Variants in RBFOX1 observed in about 807,000 individuals in gnomAD.
RBFOX1 encodes the protein RNA binding protein fox-1 homolog 1.
A neutral mutation model predicts 57.7 loss-of-function variants in RBFOX1; 8 were observed. The ratio of observed to expected loss-of-function variants is 0.14; its 90% CI spans 0.08 to 0.25. The LOEUF (loss-of-function observed/expected upper bound fraction) is 0.25. RBFOX1 is among the 10% of genes least tolerant of loss of function. RBFOX1 has a pLI of 1.00. For synonymous variants in RBFOX1, 326 were observed against 222.4 expected (o/e 1.47, Z -4.15); for missense variants, 611 against 548.5 (o/e 1.11, Z -1.14).
At chr16:7,254,182 G>A (rs1376225917) in intron 4 of RBFOX1, among the ~76,000 whole-genome samples, 1 of 152,118 alleles carries the variant, frequency 6.6e-6, no homozygotes, top group Non-Finnish European at 1.5e-5. Flanking sequence ...AAATGAAATA[G>A]TTTGCCTGAA....
At chr16:5,878,040 A>G (rs1226374652) in intron 4 of RBFOX1, among the ~76,000 whole-genome samples, 1 of 152,204 alleles carries the variant, frequency 6.6e-6, no homozygotes, top group Non-Finnish European at 1.5e-5. Context: ...GAGACTATAT[A>G]CACAGACACC....
At chr16:6,508,176 A>G (rs1025140917) in intron 2 of RBFOX1, among the ~76,000 whole-genome samples, 5 of 152,160 alleles carry the variant, frequency 3.3e-5, no homozygotes, top group Non-Finnish European at 7.3e-5. Flanking sequence ...GAACGCATGG[A>G]CACATAGAGT....
intron 3 of RBFOX1, among the ~76,000 whole-genome samples, chr16:6,732,455 T>G (rs1242167132): frequency 6.6e-6 from 1 of 152,216 alleles, no homozygotes; most frequent in Admixed American, 6.5e-5. Flanking sequence ...TTATTGAGGA[T>G]GGTGAGGTCA....
At chr16:7,106,252 C>T (rs543150308) in intron 4 of RBFOX1, among the ~76,000 whole-genome samples, 60 of 152,264 alleles carry the variant, frequency 3.9e-4, no homozygotes, top group African/African-American at 1.3e-3. Flanking sequence ...TGTGCATGAG[C>T]ATGTGTGTAA....
intron 2 of RBFOX1, among the ~76,000 whole-genome samples, chr16:6,565,100 C>A (rs1277896230): frequency 1.4e-5 from 2 of 143,676 alleles, no homozygotes; most frequent in African/African-American, 5.3e-5. Context: ...CACTGCACTC[C>A]AGCCTGGGTG....
chr16:6,658,658 G>A (rs375518908), intron 3 of RBFOX1, among the ~76,000 whole-genome samples: 1 of 152,106 alleles, frequency 6.6e-6, no homozygotes, highest in East Asian at 1.9e-4. Flanking sequence ...TTTTCTCTCA[G>A]GCTGACAGGA....
intron 3 of RBFOX1, among the ~76,000 whole-genome samples, chr16:5,779,636 C>A (rs189230035): frequency 1.3e-5 from 2 of 152,120 alleles, no homozygotes; most frequent in Admixed American, 6.5e-5. Context: ...CTTCATTCTC[C>A]TGGGCTCATT....
intron 2 of RBFOX1, among the ~76,000 whole-genome samples, chr16:6,527,576 T>C (rs1464824863): frequency 1.3e-5 from 2 of 152,186 alleles, no homozygotes; most frequent in African/African-American, 4.8e-5. Context: ...TGTTTTATTA[T>C]TTAGGACCCT....
intron 2 of RBFOX1, among the ~76,000 whole-genome samples, chr16:6,524,189 C>T (rs574945903): frequency 1.3e-5 from 2 of 152,172 alleles, no homozygotes; most frequent in Non-Finnish European, 2.9e-5. Context: ...CTCTCTATCT[C>T]CGTGAGTTCT....
chr16:5,634,565 C>T (rs1207568213), intron 3 of RBFOX1, among the ~76,000 whole-genome samples: 1 of 151,944 alleles, frequency 6.6e-6, no homozygotes, highest in African/African-American at 2.4e-5. Context: ...TGGAATTGAG[C>T]CAGTGTAAGT....
chr16:5,801,309 GTCTC>G (rs1015478009), intron 3 of RBFOX1, among the ~76,000 whole-genome samples: 1 of 123,814 alleles, frequency 8.1e-6, no homozygotes, highest in East Asian at 2.4e-4. Context: ...AGATTTTAAA[GTCTC>G]TATCTGCCTC....
intron 1 of RBFOX1, among the ~76,000 whole-genome samples, chr16:6,079,035 G>A (rs1370888974): frequency 1.3e-5 from 2 of 152,156 alleles, no homozygotes; most frequent in East Asian, 3.9e-4. Context: ...CTGGCTGGGT[G>A]CAGTGGCTTA....
At chr16:7,109,242 G>T (rs761619296) in intron 4 of RBFOX1, among the ~76,000 whole-genome samples, 1 of 152,016 alleles carries the variant, frequency 6.6e-6, no homozygotes, top group Non-Finnish European at 1.5e-5. Flanking sequence ...GTTAACCTTG[G>T]GACCTCATAT....
At position 7,351,699 on chromosome 16, in the gene RBFOX1, A is replaced by T. The variant is rs1326030763; in HGVS notation, c.28-166448A>T. Among the ~76,000 whole-genome samples, 3 of 152,090 alleles carry T rather than the reference A, an allele frequency of 2.0e-5. No homozygotes were observed. The East Asian group carries it at 5.8e-4, about 29-fold the overall frequency. Reference sequence around the variant, plus strand: ...TGGGTTTGCCTTAGAGACACCTGGTACTTTACTCTCCCATGCCCTAAATAC... The same window carrying T: ...TGGGTTTGCCTTAGAGACACCTGGTTCTTTACTCTCCCATGCCCTAAATAC... On this transcript the variant is annotated intron_variant, in intron 4 of 15. Transcript: ENST00000550418.
At chr16:6,498,028 C>T (rs1220350142) in intron 2 of RBFOX1, among the ~76,000 whole-genome samples, 1 of 151,838 alleles carries the variant, frequency 6.6e-6, no homozygotes, top group African/African-American at 2.4e-5. Context: ...GCGGGTGGAT[C>T]GCCTAAGGTC....
chr16:5,893,626 G>A (rs568583680), intron 4 of RBFOX1, among the ~76,000 whole-genome samples: 2 of 152,084 alleles, frequency 1.3e-5, no homozygotes, highest in Non-Finnish European at 2.9e-5. Flanking sequence ...GGCCAACGTG[G>A]CAAAACCCCG....
intron 4 of RBFOX1, among the ~76,000 whole-genome samples, chr16:7,424,423 C>T (rs896165084): frequency 6.6e-6 from 1 of 152,130 alleles, no homozygotes; most frequent in African/African-American, 2.4e-5. Flanking sequence ...TCACACCCAG[C>T]TACTTTTTGT....
chr16:7,492,120 T>C (rs1238228505), intron 4 of RBFOX1, among the ~76,000 whole-genome samples: 1 of 152,242 alleles, frequency 6.6e-6, no homozygotes, highest in East Asian at 1.9e-4. Flanking sequence ...AAAAAGACTC[T>C]GCAATAAACA....
chr16:7,401,250 C>T (rs2098238052), intron 4 of RBFOX1, among the ~76,000 whole-genome samples: 1 of 152,182 alleles, frequency 6.6e-6, no homozygotes, highest in Non-Finnish European at 1.5e-5. Flanking sequence ...AGTCAAACTA[C>T]AAATAACTAT....
Sources: allele counts gnomAD v4.1 joint callset (sites outside exome capture counted in the v4.1 genomes callset), GRCh38; gene constraint gnomAD v4.1.1; transcripts MANE v1.5; gene names NCBI Gene and HGNC (gene_info 2026-07-23, HGNC 2026-07-21).